Variants in PUM1 observed in about 807,000 individuals in gnomAD.
PUM1 encodes the protein pumilio homolog 1.
Under a neutral mutation model 131.8 loss-of-function variants are expected in PUM1, and 13 were observed. That is an observed-to-expected ratio of 0.10 (90% CI 0.06 to 0.16). The LOEUF is 0.16. Ranked by LOEUF, PUM1 falls within the 10% of genes least tolerant of loss-of-function variation. The pLI is 1.00. For missense variants in PUM1, 961 were observed against 1,512.4 expected, an observed-to-expected ratio of 0.64 and a Z score of 6.05; for synonymous variants, 509 against 556.5, an observed-to-expected ratio of 0.91 and a Z score of 1.20.
chr1:30,957,667 G>A (rs1411793634), intron 14 of PUM1, among the ~76,000 whole-genome samples: 1 of 152,144 alleles, frequency 6.6e-6, no homozygotes, highest in Non-Finnish European at 1.5e-5. Flanking sequence ...TTCTGCCAGT[G>A]GTCATGTAGT....
intron 7 of PUM1, among the ~76,000 whole-genome samples, chr1:30,990,820 T>C (rs572569066): frequency 1.3e-5 from 2 of 152,280 alleles, no homozygotes; most frequent in Admixed American, 6.5e-5. Context: ...CAACAAGAGA[T>C]TAACTTTCAA....
At position 31,009,782 on chromosome 1, in the gene PUM1, A is replaced by AAAAAAAAC. The variant is rs375044466; in HGVS notation, c.433-2681_433-2680insGTTTTTTT. Among the ~76,000 whole-genome samples, 63 of 125,336 alleles carry AAAAAAAAC rather than the reference A, an allele frequency of 5.0e-4. 2 individuals carry two copies. The highest frequency in any genetic ancestry group is 6.2e-4 in the Non-Finnish European group (39 of 62,918). 82.2% of individuals were successfully genotyped at this position (125,336 alleles called of 152,430 possible). On this transcript the variant is annotated intron_variant, in intron 3 of 21. Transcript: ENST00000426105. ...GACTCTGTCTCAAAAAAAAAAAAAA[A>AAAAAAAAC]AAAAACAAAAACAGAAACAAAAAAA...
At chr1:31,020,852 A>G (rs1205662963) in intron 3 of PUM1, among the ~76,000 whole-genome samples, 1 of 152,240 alleles carries the variant, frequency 6.6e-6, no homozygotes, top group East Asian at 1.9e-4. Context: ...GAACCACATC[A>G]TGCACCAATT....
At chr1:30,950,801 CAGTG>C (rs1437784681) in intron 16 of PUM1, among the ~76,000 whole-genome samples, 1 of 152,204 alleles carries the variant, frequency 6.6e-6, no homozygotes, top group Non-Finnish European at 1.5e-5. Context: ...GCAGAGGTTA[CAGTG>C]AGCTGAGATA....
intron 11 of PUM1, among the ~76,000 whole-genome samples, chr1:30,967,656 C>T (rs1640678016): frequency 1.3e-5 from 2 of 152,124 alleles, no homozygotes; most frequent in African/African-American, 4.8e-5. Context: ...TAAGAACACA[C>T]AAAGGCTCAG....
At chr1:31,013,217 G>A (rs535825871) in intron 3 of PUM1, among the ~76,000 whole-genome samples, 2 of 152,208 alleles carry the variant, frequency 1.3e-5, no homozygotes, top group African/African-American at 4.8e-5. Flanking sequence ...CCATGATTAC[G>A]GCTTTTCAGG....
At chr1:31,033,362 A>T (rs937651202) in intron 2 of PUM1, among the ~76,000 whole-genome samples, 1 of 145,860 alleles carries the variant, frequency 6.9e-6, no homozygotes, top group African/African-American at 2.5e-5. Flanking sequence ...GTGCCACCAC[A>T]TCCAGCTAAT....
intron 2 of PUM1, chr1:31,055,236 C>T (rs1644210588): frequency 3.3e-5 from 14 of 426,300 alleles, no homozygotes; most frequent in South Asian, 2.4e-4. Context: ...CTTAGCACAG[C>T]TGCCTATCAA....
chr1:31,031,161 T>C (rs1643416100), intron 2 of PUM1, among the ~76,000 whole-genome samples: 1 of 147,966 alleles, frequency 6.8e-6, no homozygotes, highest in Non-Finnish European at 1.5e-5. Context: ...CTCTACACGT[T>C]ATATGAAATG....
rs769952639 is a variant in PUM1 at position 31,059,460 on chromosome 1, A to G, written c.107T>C (p.Val36Ala). 5 of 1,614,178 alleles carry G rather than the reference A, an allele frequency of 3.1e-6. No individual in the cohort carries two copies. The highest frequency in any genetic ancestry group is 1.7e-6 in the Non-Finnish European group (2 of 1,180,024). The change falls in exon 2 of 22, where the codon GTT (valine) becomes GCT (alanine). Residue 36 changes from valine to alanine, a missense_variant. This residue lies in a region of PUM1 where 654 missense variants were observed against 923.9 expected (regional missense o/e 0.71). Transcript: ENST00000426105. ...CGACCCTGTTCCAGATGTCAAAACA[A>G]CAGGCATGTTGGGATTAGCTGGTTC... is the stretch of plus-strand genomic sequence containing the variant. ...PQEPANPNMP[V>A]VLTSGTGSQA... is the part of the protein sequence containing the mutation.
rs559832481 is a variant in PUM1, at chr1:30,981,217, T to C, written c.1252+95A>G. 350 of 730,218 alleles carry C rather than the reference T, an allele frequency of 4.8e-4. 1 individual carries two copies. The highest frequency in any genetic ancestry group is 7.3e-4 in the Non-Finnish European group (338 of 461,854). The allele number at this position is 730,218 out of a possible 1,614,324, so 45.2% of individuals were successfully genotyped here. ...TGTCTGAGGGATTTGTCTGAACTTT[T>C]ATAATCAGTTTAAATTACTGGGTTT... On this transcript the variant is annotated intron_variant, in intron 8 of 21. Transcript: ENST00000426105.
intron 1 of PUM1, among the ~76,000 whole-genome samples, chr1:31,064,534 TA>T (rs1357790135): frequency 1.3e-5 from 2 of 152,188 alleles, no homozygotes. Flanking sequence ...AACAAAATGC[TA>T]AGCCTATTGT....
At chr1:31,047,576 A>G (rs1035859867) in intron 2 of PUM1, among the ~76,000 whole-genome samples, 6 of 152,256 alleles carry the variant, frequency 3.9e-5, no homozygotes, top group Admixed American at 2.6e-4. Context: ...GTTGCCTGAG[A>G]GAAAATGGAC....
intron 2 of PUM1, among the ~76,000 whole-genome samples, chr1:31,034,545 GAGAAA>G (rs759207762): frequency 6.6e-6 from 1 of 152,254 alleles, no homozygotes; most frequent in Non-Finnish European, 1.5e-5. Flanking sequence ...AGTCAACATA[GAGAAA>G]AGAAATGTGC....
chr1:31,022,508 G>T (rs1643065859), intron 3 of PUM1, among the ~76,000 whole-genome samples: 1 of 152,192 alleles, frequency 6.6e-6, no homozygotes, highest in South Asian at 2.1e-4. Flanking sequence ...AATGGGTGGG[G>T]TTTGCACATT....
intron 16 of PUM1, among the ~76,000 whole-genome samples, chr1:30,951,467 C>T (rs894925190): frequency 3.3e-5 from 5 of 152,180 alleles, no homozygotes; most frequent in Admixed American, 2.6e-4. Flanking sequence ...GATGTTAAGA[C>T]ATTTACAAAT....
rs746565641 is a variant in PUM1 at position 30,966,248 on chromosome 1, C to T, written c.1820G>A (p.Gly607Glu). ...AVAAAAASAN[G>E]AAGGLAGTTN... ...TGTTCCAGCAAGACCACCAGCTGCTCCATTTGCTGAAGCTGCGGCTGCTGC... is the reference window on the plus strand; with the variant it reads ...TGTTCCAGCAAGACCACCAGCTGCTTCATTTGCTGAAGCTGCGGCTGCTGC... Residue 607 changes from glycine (G) to glutamate (E), a missense_variant, in exon 13 of 22, where the codon GGA becomes GAA. Physicochemically the swap from Gly to Glu is moderately conservative, Grantham distance 98. Coordinates refer to ENST00000426105, the MANE Select transcript of PUM1 (RefSeq NM_001020658.2). 1 of 1,605,860 alleles carries T rather than the reference C, an allele frequency of 6.2e-7. No homozygotes were observed. The highest frequency in any genetic ancestry group is 8.5e-7 in the Non-Finnish European group (1 of 1,173,940).
intron 5 of PUM1, among the ~76,000 whole-genome samples, chr1:30,996,097 G>T (rs1641970719): frequency 6.6e-6 from 1 of 152,244 alleles, no homozygotes; most frequent in African/African-American, 2.4e-5. Context: ...CAAAGGAAAA[G>T]ATTTGGTATA....
chr1:31,033,013 G>A (rs931650370), intron 2 of PUM1, among the ~76,000 whole-genome samples: 5 of 151,648 alleles, frequency 3.3e-5, no homozygotes, highest in Admixed American at 6.6e-5. Flanking sequence ...GGCCGAGGCA[G>A]GAGAATCGCT....
Sources: gnomAD v4.1 joint callset for allele counts (sites outside exome capture counted in the v4.1 genomes callset) on GRCh38, gnomAD v4.1.1 for gene constraint, gnomAD v4.1.1 regional missense constraint, MANE v1.5 for transcripts, NCBI Gene and HGNC (gene_info 2026-07-23, HGNC 2026-07-21) for gene names.